Variants in PARP8 observed in about 807,000 individuals in gnomAD.
PARP8 encodes poly(ADP-ribose) polymerase family member 8.
Under a neutral mutation model 124.1 loss-of-function variants are expected in PARP8, and 51 were observed. The observed-to-expected ratio is 0.41, with a 90% confidence interval of 0.33 to 0.52. PARP8 has a LOEUF of 0.52. PARP8 is among the 20% of genes least tolerant of loss of function. The pLI is 0.21. For synonymous variants in PARP8, 391 were observed against 361.5 expected (o/e 1.08, Z -0.93); for missense variants, 860 against 1,018.9 (o/e 0.84, Z 2.12).
Position 50,711,126 on chromosome 5 carries a change from GTTA to G in PARP8, c.147-39020_147-39018del, listed in dbSNP as rs549244232. 1.1e-3 allele frequency among the ~76,000 whole-genome samples: 170 copies of G among 152,232 alleles called. 1 individual carries two copies. Among genetic ancestry groups the G allele is most frequent in the African/African-American group, 3.9e-3 (161 of 41,550 alleles). On this transcript the variant is annotated intron_variant, in intron 2 of 25. Coordinates refer to ENST00000281631, the MANE Select transcript of PARP8 (RefSeq NM_024615.4). ...TTCCTCCTCTGATAAACACAATTAT[GTTA>G]TTATGAAACTTTCCTCTCTCGTTTT...
At chr5:50,833,512 GAA>G (rs201931532) in intron 23 of PARP8, 207 of 273,048 alleles carry the variant, frequency 7.6e-4, no homozygotes, top group South Asian at 1.2e-3. Flanking sequence ...TCTAATATCT[GAA>G]AAAAAAAAAA....
intron 2 of PARP8, among the ~76,000 whole-genome samples, chr5:50,721,160 A>C (rs150468417): frequency 6.6e-6 from 1 of 151,368 alleles, no homozygotes; most frequent in East Asian, 2.0e-4. Context: ...CAGTCATCTT[A>C]TAGCCTTCAG....
intron 2 of PARP8, among the ~76,000 whole-genome samples, chr5:50,678,643 A>G (rs1483897645): frequency 3.9e-5 from 6 of 152,182 alleles, no homozygotes; most frequent in African/African-American, 9.7e-5. Flanking sequence ...GATTAAACTG[A>G]TATTTTGTGG....
At chr5:50,710,968 T>A (rs895540761) in intron 2 of PARP8, among the ~76,000 whole-genome samples, 4 of 152,166 alleles carry the variant, frequency 2.6e-5, no homozygotes, top group African/African-American at 9.6e-5. Context: ...TAAACACATA[T>A]ACATATGTGC....
In PARP8 at chr5:50,795,045, G is replaced by T; in HGVS notation, c.1056G>T (p.Gln352His). The stretch of plus-strand genomic sequence containing the variant: ...TGTCCAGCGATCCCAGGGCGGAGCA[G>T]GCTATGACAGCAATTAAATCGCACA... ...RSLSSDPRAE[Q>H]AMTAIKSHKL... Residue 352 changes from glutamine (Q) to histidine (H), a missense_variant, in exon 12 of 26, where the codon CAG becomes CAT. Physicochemically the swap from Gln to His is conservative, Grantham distance 24. Transcript: ENST00000281631. 1 of 1,614,198 alleles carries T rather than the reference G, an allele frequency of 6.2e-7. No individual in the cohort carries two copies.
At chr5:50,690,243 G>A (rs1752351501) in intron 2 of PARP8, among the ~76,000 whole-genome samples, 1 of 152,164 alleles carries the variant, frequency 6.6e-6, no homozygotes, top group Non-Finnish European at 1.5e-5. Flanking sequence ...ATGTATGATA[G>A]TAAAAAGGTT....
chr5:50,672,613 G>A (rs1750157539), intron 2 of PARP8, among the ~76,000 whole-genome samples: 1 of 152,074 alleles, frequency 6.6e-6, no homozygotes, highest in African/African-American at 2.4e-5. Context: ...AAGATACTAG[G>A]GCGTGATGAG....
intron 2 of PARP8, among the ~76,000 whole-genome samples, chr5:50,723,803 G>A (rs1046436418): frequency 1.3e-5 from 2 of 152,018 alleles, no homozygotes; most frequent in African/African-American, 4.8e-5. Context: ...TATTCTTTTA[G>A]GAGGAAGGTG....
intron 2 of PARP8, among the ~76,000 whole-genome samples, chr5:50,726,348 A>G (rs190901783): frequency 1.2e-4 from 18 of 152,258 alleles, no homozygotes; most frequent in Non-Finnish European, 2.1e-4. Context: ...TGGAGGATGT[A>G]TGTGTAATCT....
chr5:50,753,274 C>T (rs904295657), intron 3 of PARP8, among the ~76,000 whole-genome samples: 8 of 151,964 alleles, frequency 5.3e-5, no homozygotes, highest in African/African-American at 1.9e-4. Flanking sequence ...AGTGGACTCT[C>T]TTATCCCTAG....
chr5:50,670,614 T>C (rs1425200562), intron 2 of PARP8, among the ~76,000 whole-genome samples: 2 of 152,266 alleles, frequency 1.3e-5, no homozygotes, highest in African/African-American at 4.8e-5. Flanking sequence ...AGTTAACATC[T>C]TGCTATTCTG....
Position 50,764,784 on chromosome 5 carries a change from A to G in PARP8, c.518+1542A>G, listed in dbSNP as rs1404186855. On this transcript the variant is annotated intron_variant, in intron 7 of 25. Transcript: ENST00000281631. ...AGAAGGCAATTGGGACTATCAATAC[A>G]TAGTCCAAAACAATGGCTGTGTTTT... Among the ~76,000 whole-genome samples, 8 of 151,780 alleles carry G rather than the reference A, an allele frequency of 5.3e-5. No individual in the cohort carries two copies. The East Asian group carries it at 7.7e-4, about 15-fold the overall frequency.
intron 2 of PARP8, among the ~76,000 whole-genome samples, chr5:50,693,252 G>A (rs1352046985): frequency 1.3e-5 from 2 of 152,126 alleles, no homozygotes; most frequent in African/African-American, 4.8e-5. Flanking sequence ...AGCTACTATG[G>A]CTCAGCCTTT....
At chr5:50,751,527 C>T (rs757388154) in intron 3 of PARP8, among the ~76,000 whole-genome samples, 6 of 151,908 alleles carry the variant, frequency 3.9e-5, no homozygotes, top group African/African-American at 7.3e-5. Flanking sequence ...GTTTAAATAC[C>T]GGGGCAGAAT....
chr5:50,677,581 G>A (rs1750780610), intron 2 of PARP8, among the ~76,000 whole-genome samples: 1 of 152,150 alleles, frequency 6.6e-6, no homozygotes. Context: ...GCTCAGAAAT[G>A]ATGAGACTGG....
At chr5:50,685,638 C>G (rs1751775564) in intron 2 of PARP8, among the ~76,000 whole-genome samples, 1 of 152,022 alleles carries the variant, frequency 6.6e-6, no homozygotes, top group Non-Finnish European at 1.5e-5. Context: ...TTTCTGTAGC[C>G]CAAGCTGGAG....
chr5:50,714,591 G>A (rs1031133535), intron 2 of PARP8, among the ~76,000 whole-genome samples: 1 of 152,052 alleles, frequency 6.6e-6, no homozygotes, highest in African/African-American at 2.4e-5. Flanking sequence ...AATACAAATA[G>A]GCATTATTTC....
Position 50,843,059 on chromosome 5 carries a change from ATATCTCTGCT to A in PARP8, c.*995_*1004del. 6.7e-6 allele frequency: 1 copy of A among 150,208 alleles called. No individual in the cohort carries two copies. Among genetic ancestry groups the A allele is most frequent in the East Asian group, 2.0e-4 (1 of 5,094 alleles). 9.3% of individuals were successfully genotyped at this position (150,208 alleles called of 1,614,324 possible). A position where few individuals can be genotyped will look rare whatever the true frequency, so the allele number is the denominator to read the frequency against. ...CAGCATTTTTATATTTGTTCATCTA[ATATCTCTGCT>A]TATTTTTTTCATATTGAGAAAGAAC... is the stretch of plus-strand genomic sequence containing the variant. On this transcript the variant is annotated 3_prime_UTR_variant, in exon 26 of 26. Transcript: ENST00000281631.
chr5:50,796,255 A>G (rs1365169394), intron 12 of PARP8, among the ~76,000 whole-genome samples: 1 of 152,136 alleles, frequency 6.6e-6, no homozygotes, highest in Non-Finnish European at 1.5e-5. Context: ...TCAGCAAGAG[A>G]TGAAATTGAA....
Sources: allele counts gnomAD v4.1 joint callset (sites outside exome capture counted in the v4.1 genomes callset), GRCh38; gene constraint gnomAD v4.1.1; transcripts MANE v1.5; gene names NCBI Gene and HGNC (gene_info 2026-07-23, HGNC 2026-07-21).